COL19A1: variants seen among roughly 807,000 people sequenced by gnomAD.
COL19A1 encodes the protein collagen alpha-1(XIX) chain.
Under a neutral mutation model 190.2 loss-of-function variants are expected in COL19A1, and 159 were observed. The observed-to-expected ratio is 0.84, with a 90% CI of 0.73 to 0.95. The LOEUF is 0.95. Among genes scored for constraint, COL19A1 ranks in the 40% least tolerant of loss-of-function variants. COL19A1 has a pLI of 0.00. For missense variants in COL19A1, 1,418 were observed against 1,431.9 expected, an observed-to-expected ratio of 0.99 and a Z score of 0.16; for synonymous variants, 509 against 458.9, an observed-to-expected ratio of 1.11 and a Z score of -1.39.
intron 16 of COL19A1, among the ~76,000 whole-genome samples, chr6:70,106,401 T>C (rs571121571): frequency 6.6e-6 from 1 of 151,928 alleles, no homozygotes; most frequent in Admixed American, 6.6e-5. Context: ...TTATATCTCC[T>C]AGGGAAAAAA....
At position 70,009,286 on chromosome 6, in the gene COL19A1, A is replaced by T. The variant is rs553572454; in HGVS notation, c.1027-14341A>T. On this transcript the variant is annotated intron_variant, in intron 11 of 50. Coordinates refer to ENST00000620364, the MANE Select transcript of COL19A1 (RefSeq NM_001858.6). ...AATCTACAATAAAAGATTACAATTC[A>T]TTAGCAAGTTTAGCAAGGTTGCAGG... 7.2e-5 allele frequency among the ~76,000 whole-genome samples: 11 copies of T among 152,194 alleles called. No homozygotes were observed. In the South Asian group the frequency reaches 2.3e-3, roughly 31 times the overall value.
intron 4 of COL19A1, among the ~76,000 whole-genome samples, chr6:69,915,309 A>G (rs1582381402): frequency 6.6e-6 from 1 of 152,338 alleles, no homozygotes; most frequent in Non-Finnish European, 1.5e-5. Flanking sequence ...ATCTCCCCAT[A>G]AAACAACTGT....
chr6:69,889,693 C>T (rs139559168), intron 2 of COL19A1, among the ~76,000 whole-genome samples: 2 of 127,334 alleles, frequency 1.6e-5, no homozygotes, highest in African/African-American at 6.5e-5. Flanking sequence ...CACCAATCAG[C>T]TATCTGTAAA....
rs1297688362 is a variant in COL19A1, at chr6:70,068,441, G to A, written c.1189G>A (p.Gly397Ser). 6.3e-7 allele frequency: 1 copy of A among 1,599,858 alleles called. No individual in the cohort carries two copies. Among genetic ancestry groups the A allele is most frequent in the African/African-American group, 1.3e-5 (1 of 74,532 alleles). Residue 397 changes from glycine (G) to serine (S), a missense_variant, in exon 15 of 51, where the codon GGC (glycine) becomes AGC (serine). By Grantham distance (56) the Gly-to-Ser change is moderately conservative. Coordinates refer to ENST00000620364, the MANE Select transcript of COL19A1 (RefSeq NM_001858.6). ...PALPGSLGIQ[G>S]PQGPPGKEGQ... ...CTCATAGGGTTCCCTGGGGATACAA[G>A]GCCCCCAAGGTCCACCTGGAAAAGA...
At chr6:70,199,914 C>A in intron 49 of COL19A1, 178 bp downstream of exon 49, 1 of 605,618 alleles carries the variant, frequency 1.7e-6, no homozygotes, top group Non-Finnish European at 2.8e-6. Flanking sequence ...ATTTGACATT[C>A]TAGAAGTAGA....
chr6:70,117,919 G>A (rs1784672125), intron 16 of COL19A1, among the ~76,000 whole-genome samples: 1 of 152,220 alleles, frequency 6.6e-6, no homozygotes, highest in African/African-American at 2.4e-5. Context: ...GAGCTCCTAA[G>A]AGCATAAGCC....
chr6:69,892,566 A>G (rs1347180351), intron 2 of COL19A1, among the ~76,000 whole-genome samples: 2 of 152,326 alleles, frequency 1.3e-5, no homozygotes, highest in South Asian at 4.1e-4. Flanking sequence ...ATTGGCTTTG[A>G]TGGAACTCTG....
chr6:69,966,918 C>A (rs556088570), intron 11 of COL19A1, among the ~76,000 whole-genome samples: 1 of 152,104 alleles, frequency 6.6e-6, no homozygotes, highest in South Asian at 2.1e-4. Context: ...TGAAAAGAAA[C>A]AGCAAATAGA....
At chr6:69,882,477 C>T (rs1582271201) in intron 2 of COL19A1, among the ~76,000 whole-genome samples, 2 of 152,230 alleles carry the variant, frequency 1.3e-5, no homozygotes, top group South Asian at 4.1e-4. Flanking sequence ...TAATTAGTTG[C>T]TTAAAACTCT....
At chr6:69,907,107 A>ATTTTT (rs56927758) in intron 4 of COL19A1, among the ~76,000 whole-genome samples, 16 of 129,402 alleles carry the variant, frequency 1.2e-4, no homozygotes, top group African/African-American at 2.9e-4. Flanking sequence ...TATTATTATT[A>ATTTTT]TTTTTTTTTT....
intron 15 of COL19A1, among the ~76,000 whole-genome samples, chr6:70,090,954 C>T (rs1782890839): frequency 6.6e-6 from 1 of 152,144 alleles, no homozygotes; most frequent in African/African-American, 2.4e-5. Flanking sequence ...CACCTGGATG[C>T]TCTTTCTCAG....
At chr6:69,896,397 C>T (rs1223458735) in intron 2 of COL19A1, among the ~76,000 whole-genome samples, 2 of 151,490 alleles carry the variant, frequency 1.3e-5, no homozygotes, top group Non-Finnish European at 1.5e-5. Flanking sequence ...ATTAGCCGGG[C>T]GCGGTGGCGG....
intron 11 of COL19A1, among the ~76,000 whole-genome samples, chr6:69,972,056 A>AT (rs1775459661): frequency 6.6e-6 from 1 of 152,152 alleles, no homozygotes; most frequent in South Asian, 2.1e-4. Context: ...TTCTGCTTCT[A>AT]TTCCAGCCAC....
At chr6:69,965,552 C>A (rs1418954994) in intron 11 of COL19A1, among the ~76,000 whole-genome samples, 1 of 152,152 alleles carries the variant, frequency 6.6e-6, no homozygotes, top group Admixed American at 6.5e-5. Flanking sequence ...GTATAAAGGA[C>A]CTCATTTAAA....
intron 42 of COL19A1, 54 bp from the exon 43 acceptor site, chr6:70,180,258 T>C (rs1766086723): frequency 1.3e-6 from 2 of 1,599,940 alleles, no homozygotes; most frequent in Admixed American, 1.7e-5. Flanking sequence ...GAGAAGCATA[T>C]GGTGTCGTTC....
rs1020540980 is a variant in COL19A1, at chr6:70,155,977, A to G, written c.2080-150A>G. 8.7e-6 allele frequency: 5 copies of G among 576,622 alleles called. No individual in the cohort carries two copies. In the African/African-American group the frequency reaches 9.4e-5, roughly 11 times the overall value. 35.7% of individuals were successfully genotyped at this position (576,622 alleles called of 1,614,324 possible). On this transcript the variant is annotated intron_variant, in intron 31 of 50. Coordinates refer to ENST00000620364, the MANE Select transcript of COL19A1 (RefSeq NM_001858.6). ...TTGCCTCACAAAAATTAATGTTTTT[A>G]AATTGGATACATCAAGTGTCTGAAA...
At chr6:70,075,823 A>C (rs9454962) in intron 15 of COL19A1, among the ~76,000 whole-genome samples, 2,221 of 152,346 alleles carry the variant, frequency 0.015, 41 homozygotes, top group South Asian at 0.049. Flanking sequence ...AATAATACTT[A>C]TATCAATAGT....
chr6:70,092,550 A>G (rs900562252), intron 15 of COL19A1, among the ~76,000 whole-genome samples: 1 of 152,194 alleles, frequency 6.6e-6, no homozygotes, highest in South Asian at 2.1e-4. Context: ...TCAAAATGCA[A>G]TTTAATCCAT....
chr6:69,998,167 A>G (rs961747812), intron 11 of COL19A1, among the ~76,000 whole-genome samples: 3 of 152,230 alleles, frequency 2.0e-5, no homozygotes, highest in Non-Finnish European at 4.4e-5. Flanking sequence ...TTTTGAAGCA[A>G]CAAAGTATAA....
Sources: gnomAD v4.1 joint callset for allele counts (sites outside exome capture counted in the v4.1 genomes callset) on GRCh38, gnomAD v4.1.1 for gene constraint, MANE v1.5 for transcripts, NCBI Gene and HGNC (gene_info 2026-07-23, HGNC 2026-07-21) for gene names.